TRAF7: variants seen among roughly 807,000 people sequenced by gnomAD.
TRAF7 encodes the protein TNF receptor associated factor 7.
TRAF7 carries 45 observed loss-of-function variants against 89.3 expected under a neutral mutation model. The observed-to-expected ratio is 0.50, with a 90% CI of 0.40 to 0.65. The LOEUF (loss-of-function observed/expected upper bound fraction) is 0.65, where lower values mean the gene tolerates loss of function less well. Ranked by LOEUF, TRAF7 falls within the 30% of genes least tolerant of loss-of-function variation. The pLI, the probability that TRAF7 is intolerant of heterozygous loss-of-function variation, is 0.00. For missense variants in TRAF7, 677 were observed against 918.1 expected (o/e 0.74, Z 3.39); for synonymous variants, 406 against 369.2 (o/e 1.10, Z -1.14).
chr16:2,169,328 G>C (rs933622494), intron 4 of TRAF7, among the ~76,000 whole-genome samples: 1 of 152,168 alleles, frequency 6.6e-6, no homozygotes, highest in Non-Finnish European at 1.5e-5. Context: ...CCTGTGTGCC[G>C]GGCGCTGTGC....
intron 1 of TRAF7, among the ~76,000 whole-genome samples, chr16:2,160,441 T>TGGTGTGGACAGGCAGGC (rs1292826871): frequency 2.2e-5 from 3 of 134,634 alleles, no homozygotes; most frequent in Non-Finnish European, 4.8e-5. Context: ...GACGGGCAGG[T>TGGTGTGGACAGGCAGGC]GGTGTGGACA....
rs934264493 is a variant in TRAF7 at position 2,169,104 on chromosome 16, G to C, written c.231+936G>C. 3.3e-5 allele frequency among the ~76,000 whole-genome samples: 5 copies of C among 152,056 alleles called. No homozygotes were observed. The East Asian group carries it at 7.7e-4, about 23-fold the overall frequency. On this transcript the variant is annotated intron_variant, in intron 4 of 20. Coordinates refer to ENST00000326181, the MANE Select transcript of TRAF7 (RefSeq NM_032271.3). ...GGGTTTAAGTGACTCTCCTGCCTCA[G>C]CCTCCCGAGTAGCTGGGATTACAGG...
chr16:2,175,747 GC>G (rs1242828813), intron 17 of TRAF7, 86 bp from the exon 18 acceptor site: 1 of 1,592,848 alleles, frequency 6.3e-7, no homozygotes, highest in African/African-American at 1.3e-5. Flanking sequence ...TGGGTGGGCT[GC>G]CCAGCAGTGC....
At chr16:2,164,480 G>T (rs1363683083) in intron 2 of TRAF7, among the ~76,000 whole-genome samples, 1 of 140,074 alleles carries the variant, frequency 7.1e-6, no homozygotes. Context: ...TGGCCTGGTC[G>T]CATGGTTAAG....
chr16:2,173,775 C>A lies in TRAF7; in HGVS notation c.1087-13C>A, dbSNP rs375914676. Reference sequence around the variant, plus strand: ...CTGCCCACCTGCCCTCTGCCCTGCCCTTGGCCCTGCAGGACGAGCTGTCCC... The same window carrying A: ...CTGCCCACCTGCCCTCTGCCCTGCCATTGGCCCTGCAGGACGAGCTGTCCC... On this transcript the variant is annotated splice_polypyrimidine_tract_variant and intron_variant, in intron 11 of 20. Transcript: ENST00000326181. The A allele has an allele frequency of 6.2e-7, 1 of 1,610,360 alleles. No individual in the cohort carries two copies.
rs1314835525 is a variant in TRAF7, at chr16:2,163,134, T to TC, written c.-38-744dup. ...CCAGCACCCACGGAGGGGCCACGTC[T>TC]CCCCCAGGCCCACCAGCCCCTCTCT... On this transcript the variant is annotated intron_variant, in intron 1 of 20. Coordinates refer to ENST00000326181, the MANE Select transcript of TRAF7 (RefSeq NM_032271.3). The surrounding 1 kb of genome is among the most constrained non-coding windows in gnomAD (Gnocchi z 4.3). 1.3e-5 allele frequency among the ~76,000 whole-genome samples: 2 copies of TC among 151,942 alleles called. No individual in the cohort carries two copies. Among genetic ancestry groups the TC allele is most frequent in the African/African-American group, 4.8e-5 (2 of 41,350 alleles).
rs763304733 is a variant in TRAF7 at position 2,175,909 on chromosome 16, A to G, written c.1702A>G (p.Thr568Ala). ...SGGSVYSIAV[T>A]NHHIVCGTYE... ...TGGCAGCGTCTACTCCATTGCTGTG[A>G]CAAATCACCACATTGTCTGTGGCAC... is the stretch of plus-strand genomic sequence containing the variant. The change falls in exon 18 of 21, where the codon ACA becomes GCA. Residue 568 changes from threonine (T) to alanine (A), a missense_variant. Physicochemically the swap from Thr to Ala is moderately conservative, Grantham distance 58. Coordinates refer to ENST00000326181, the MANE Select transcript of TRAF7 (RefSeq NM_032271.3). 4 of 1,613,498 alleles carry G rather than the reference A, an allele frequency of 2.5e-6. No individual in the cohort carries two copies. The highest frequency in any genetic ancestry group is 2.5e-6 in the Non-Finnish European group (3 of 1,179,976).
rs1226584733 is a variant in TRAF7, at chr16:2,158,296, C to T, written c.-39+2438C>T. ...ACCAACCCCTTAGTCTTTGACAGAT[C>T]CGCTGCTGTCCCCAGCCTTGCTCCC... On this transcript the variant is annotated intron_variant, in intron 1 of 20. Coordinates refer to ENST00000326181, the MANE Select transcript of TRAF7 (RefSeq NM_032271.3). This position sits in a 1 kb window ranked among gnomAD's most constrained non-coding sequence, Gnocchi z 4.7. Among the ~76,000 whole-genome samples the T allele has an allele frequency of 1.3e-5, 2 of 152,220 alleles. No individual in the cohort carries two copies. The highest frequency in any genetic ancestry group is 2.9e-5 in the Non-Finnish European group (2 of 68,036).
intron 14 of TRAF7, 99 bp downstream of exon 14, chr16:2,174,432 A>T: frequency 2.5e-6 from 3 of 1,209,514 alleles, no homozygotes; most frequent in Non-Finnish European, 3.5e-6. Flanking sequence ...CTGTGTAGCT[A>T]TGTGTGTGCC....
At chr16:2,171,197 G>A (rs1001297202) in intron 5 of TRAF7, 67 bp from the exon 6 acceptor site, 2 of 1,351,974 alleles carry the variant, frequency 1.5e-6, no homozygotes, top group Non-Finnish European at 2.0e-6. Flanking sequence ...GAGCGCCTGG[G>A]TGCCTGGGTG....
intron 11 of TRAF7, 47 bp downstream of exon 11, chr16:2,173,601 C>T (rs751120302): frequency 6.2e-7 from 1 of 1,601,288 alleles, no homozygotes; most frequent in Admixed American, 1.7e-5. Context: ...CCCGGGGAGG[C>T]CGGCGGCCCC....
At chr16:2,165,545 C>T (rs190929842) in intron 2 of TRAF7, among the ~76,000 whole-genome samples, 3 of 130,800 alleles carry the variant, frequency 2.3e-5, no homozygotes, top group East Asian at 4.4e-4. Flanking sequence ...CTGGCCTGGT[C>T]GCATGGTTTA....
rs1203024202 is a variant in TRAF7 at position 2,161,475 on chromosome 16, C to A, written c.-38-2408C>A. ...GCAACAGGCACTGAGGCCAGCCCGA[C>A]CCATCCCAGGGGAGTGCCTGCTGGG... On this transcript the variant is annotated intron_variant, in intron 1 of 20. Coordinates refer to ENST00000326181, the MANE Select transcript of TRAF7 (RefSeq NM_032271.3). The surrounding 1 kb of genome is among the most constrained non-coding windows in gnomAD (Gnocchi z 5.2). Among the ~76,000 whole-genome samples the A allele has an allele frequency of 6.6e-6, 1 of 152,176 alleles. No individual in the cohort carries two copies. The highest frequency in any genetic ancestry group is 1.5e-5 in the Non-Finnish European group (1 of 68,036).
Position 2,162,784 on chromosome 16 carries a change from C to T in TRAF7, c.-38-1099C>T, listed in dbSNP as rs901236735. ...GTGGGCCCGGGGCAGGAGTCCTGGG[C>T]ACGTGGCCTTCCTCCCCACAGGGAG... On this transcript the variant is annotated intron_variant, in intron 1 of 20. Coordinates refer to ENST00000326181, the MANE Select transcript of TRAF7 (RefSeq NM_032271.3). The surrounding 1 kb of genome is among the most constrained non-coding windows in gnomAD (Gnocchi z 5.0). 6.6e-6 allele frequency among the ~76,000 whole-genome samples: 1 copy of T among 152,076 alleles called. No homozygotes were observed. The highest frequency in any genetic ancestry group is 1.5e-5 in the Non-Finnish European group (1 of 67,980).
At chr16:2,173,627 C>G (rs913151833) in intron 11 of TRAF7, 73 bp downstream of exon 11, 4 of 1,586,960 alleles carry the variant, frequency 2.5e-6, no homozygotes, top group Non-Finnish European at 3.4e-6. Context: ...GGAGGCCTCC[C>G]CTGGCCTTGC....
At position 2,165,858 on chromosome 16, in the gene TRAF7, TCTC is replaced by T; in HGVS notation, c.82-16_82-14del. On this transcript the variant is annotated intron_variant, in intron 2 of 20. Coordinates refer to ENST00000326181, the MANE Select transcript of TRAF7 (RefSeq NM_032271.3). ...CCTTGTGTCCCGGAATGAGGCCAGGTCTCCTCCGTCCTCCCTCTAGACCAGAAT... is the reference window on the plus strand; with the variant it reads ...CCTTGTGTCCCGGAATGAGGCCAGGTCTCCGTCCTCCCTCTAGACCAGAAT... 6.2e-7 allele frequency: 1 copy of T among 1,613,938 alleles called. No homozygotes were observed.
chr16:2,169,888 C>T (rs1307873929), intron 4 of TRAF7, among the ~76,000 whole-genome samples: 1 of 152,172 alleles, frequency 6.6e-6, no homozygotes, highest in Non-Finnish European at 1.5e-5. Flanking sequence ...GGCAGAGCAG[C>T]AGCTGGGCCC....
intron 14 of TRAF7, among the ~76,000 whole-genome samples, 176 bp from the exon 15 acceptor site, chr16:2,174,935 C>T (rs1271650886): frequency 1.3e-5 from 2 of 152,226 alleles, no homozygotes; most frequent in African/African-American, 4.8e-5. Context: ...CCGCCCCTTC[C>T]AAGGTTCCCA....
At chr16:2,166,080 T>C in intron 3 of TRAF7, 144 bp downstream of exon 3, 1 of 958,398 alleles carries the variant, frequency 1.0e-6, no homozygotes, top group Admixed American at 2.3e-5. Context: ...CCGCAGCCTG[T>C]GTCCTCACAG....
Sources: gnomAD v4.1 joint callset for allele counts (sites outside exome capture counted in the v4.1 genomes callset) on GRCh38, gnomAD v4.1.1 for gene constraint, Gnocchi (gnomAD v3.1) non-coding constraint, MANE v1.5 for transcripts, NCBI Gene and HGNC (gene_info 2026-07-23, HGNC 2026-07-21) for gene names.